MTHFD1L: variants seen among roughly 807,000 people sequenced by gnomAD.
MTHFD1L encodes monofunctional C1-tetrahydrofolate synthase, mitochondrial.
A neutral mutation model predicts 119.5 loss-of-function variants in MTHFD1L; 81 were observed. The observed-to-expected ratio is 0.68, with a 90% confidence interval of 0.57 to 0.82. The LOEUF (loss-of-function observed/expected upper bound fraction) is 0.82, where lower values mean the gene tolerates loss of function less well. Ranked by LOEUF, MTHFD1L falls within the 40% of genes least tolerant of loss-of-function variation. The pLI is 0.00. For missense variants in MTHFD1L, 1,125 were observed against 1,253.4 expected (o/e 0.90, Z 1.55); for synonymous variants, 430 against 475.2 (o/e 0.90, Z 1.24).
chr6:150,937,406 C>T (rs914677258), intron 12 of MTHFD1L, among the ~76,000 whole-genome samples: 3 of 152,158 alleles, frequency 2.0e-5, no homozygotes, highest in African/African-American at 7.2e-5. Context: ...CCTCCTTGGC[C>T]GTGGTCGGGC....
chr6:150,993,558 T>A (rs1267003707), intron 20 of MTHFD1L, among the ~76,000 whole-genome samples: 1 of 152,182 alleles, frequency 6.6e-6, no homozygotes, highest in Non-Finnish European at 1.5e-5. Flanking sequence ...GTGATCCTCC[T>A]GCCTCGGCCT....
Position 151,021,286 on chromosome 6 carries a change from G to A in MTHFD1L, c.2586+5593G>A, listed in dbSNP as rs906838746. On this transcript the variant is annotated intron_variant, in intron 24 of 27. Coordinates refer to ENST00000367321, the MANE Select transcript of MTHFD1L (RefSeq NM_015440.5). ...ATGAAGGCCAGGAGTGGTGGCTCTC[G>A]CCTGTAATCCCAGCACCTTGGGAGG... Among the ~76,000 whole-genome samples, 8 of 152,222 alleles carry A rather than the reference G, an allele frequency of 5.3e-5. No individual in the cohort carries two copies. In the South Asian group the frequency reaches 8.3e-4, roughly 16 times the overall value.
chr6:150,874,756 G>A lies in MTHFD1L; in HGVS notation c.228-1334G>A, dbSNP rs907316987. Reference sequence around the variant, plus strand: ...CCCAGAAGGTTCCATAAAGAGCTGAGCTCCTAACACTTTTTTTTTTTTTTG... The same window carrying A: ...CCCAGAAGGTTCCATAAAGAGCTGAACTCCTAACACTTTTTTTTTTTTTTG... On this transcript the variant is annotated intron_variant, in intron 1 of 27. Transcript: ENST00000367321. 1.1e-4 allele frequency among the ~76,000 whole-genome samples: 16 copies of A among 151,872 alleles called. No homozygotes were observed. The South Asian group carries it at 3.1e-3, about 30-fold the overall frequency.
chr6:150,959,466 T>C (rs149341523), intron 17 of MTHFD1L, among the ~76,000 whole-genome samples: 117 of 152,360 alleles, frequency 7.7e-4, no homozygotes, highest in Admixed American at 2.0e-3. Flanking sequence ...TTATTCCATG[T>C]TGGACTTCGT....
At chr6:150,919,974 G>A (rs988040488) in intron 9 of MTHFD1L, among the ~76,000 whole-genome samples, 5 of 152,112 alleles carry the variant, frequency 3.3e-5, no homozygotes, top group Admixed American at 2.6e-4. Flanking sequence ...TTCCAAGATG[G>A]CATACTCACA....
chr6:150,948,997 C>G (rs1451451708), intron 15 of MTHFD1L, 34 bp from the exon 16 acceptor site: 2 of 1,560,878 alleles, frequency 1.3e-6, no homozygotes, highest in Admixed American at 3.4e-5. Context: ...TGTTTCTTCT[C>G]AAACTTCTCA....
chr6:150,953,592 T>A (rs1241190965), intron 16 of MTHFD1L, among the ~76,000 whole-genome samples: 2 of 152,194 alleles, frequency 1.3e-5, no homozygotes, highest in Non-Finnish European at 2.9e-5. Context: ...TACTTTCTAG[T>A]ATCTTTCTTG....
chr6:150,922,420 C>G (rs772224885), intron 10 of MTHFD1L, 118 bp downstream of exon 10: 189 of 643,812 alleles, frequency 2.9e-4, no homozygotes, highest in Non-Finnish European at 4.0e-4. Context: ...ATAAGTTTCT[C>G]TATTCATTAA....
intron 8 of MTHFD1L, among the ~76,000 whole-genome samples, chr6:150,914,007 G>A (rs958517235): frequency 1.3e-5 from 2 of 152,248 alleles, no homozygotes; most frequent in African/African-American, 4.8e-5. Context: ...GCACATGCCT[G>A]TAGTCCCAGC....
chr6:150,904,807 T>G (rs770649821), intron 7 of MTHFD1L, among the ~76,000 whole-genome samples: 13 of 152,158 alleles, frequency 8.5e-5, no homozygotes, highest in Admixed American at 2.0e-4. Flanking sequence ...ATCAATGCAT[T>G]TTGTTGGAGT....
At chr6:150,964,482 G>A (rs986462442) in intron 18 of MTHFD1L, among the ~76,000 whole-genome samples, 1 of 152,186 alleles carries the variant, frequency 6.6e-6, no homozygotes, top group African/African-American at 2.4e-5. Flanking sequence ...TTCTCTCTCT[G>A]TGGAATGAAT....
At chr6:151,003,480 C>T (rs536993835) in intron 20 of MTHFD1L, among the ~76,000 whole-genome samples, 17 of 152,114 alleles carry the variant, frequency 1.1e-4, no homozygotes, top group East Asian at 3.9e-4. Context: ...TGCAGTAAGC[C>T]GAGATCGCAC....
chr6:150,971,845 G>A, intron 19 of MTHFD1L, 102 bp from the exon 20 acceptor site: 2 of 886,678 alleles, frequency 2.3e-6, no homozygotes, highest in African/African-American at 1.7e-5. Flanking sequence ...TAAATATGCA[G>A]TATTCATAAA....
At chr6:150,998,274 C>T (rs986645173) in intron 20 of MTHFD1L, among the ~76,000 whole-genome samples, 1 of 152,046 alleles carries the variant, frequency 6.6e-6, no homozygotes, top group South Asian at 2.1e-4. Context: ...CTACATTGTA[C>T]GATCTTATAA....
intron 16 of MTHFD1L, among the ~76,000 whole-genome samples, chr6:150,950,800 G>A (rs1445546073): frequency 6.6e-6 from 1 of 152,108 alleles, no homozygotes; most frequent in Admixed American, 6.6e-5. Context: ...CTTACGAGTA[G>A]CTGGGATTAC....
chr6:150,897,367 A>G (rs753926575), intron 7 of MTHFD1L, among the ~76,000 whole-genome samples: 2 of 152,160 alleles, frequency 1.3e-5, no homozygotes, highest in Non-Finnish European at 2.9e-5. Context: ...TATGTTCTAA[A>G]TGTTTGAAGG....
intron 7 of MTHFD1L, among the ~76,000 whole-genome samples, chr6:150,895,157 G>A (rs1388731063): frequency 6.6e-6 from 1 of 152,202 alleles, no homozygotes; most frequent in Non-Finnish European, 1.5e-5. Context: ...GGGCCCTGCA[G>A]GGGAATGACA....
chr6:150,926,184 G>GATT lies in MTHFD1L; in HGVS notation c.1146_1148dup (p.Leu384dup). ...GTGGATGTCCTTGCCAAGGAGATTGGATTGCTTGCAGATGAAATTGAAATC... is the reference window on the plus strand; with the variant it reads ...GTGGATGTCCTTGCCAAGGAGATTGGATTATTGCTTGCAGATGAAATTGAAATC... On this transcript the variant is annotated inframe_insertion, in exon 11 of 28. Coordinates refer to ENST00000367321, the MANE Select transcript of MTHFD1L (RefSeq NM_015440.5). This position sits in a 1 kb window ranked among gnomAD's most constrained non-coding sequence, Gnocchi z 4.3. The GATT allele has an allele frequency of 1.2e-6, 2 of 1,614,092 alleles. No individual in the cohort carries two copies. The highest frequency in any genetic ancestry group is 2.2e-5 in the South Asian group (2 of 91,064).
intron 24 of MTHFD1L, among the ~76,000 whole-genome samples, chr6:151,029,145 A>G (rs2128519790): frequency 6.6e-6 from 1 of 151,344 alleles, no homozygotes; most frequent in East Asian, 2.0e-4. Flanking sequence ...TTTAGGCCAG[A>G]CACAGTGGCT....
Sources: gnomAD v4.1 joint callset for allele counts (sites outside exome capture counted in the v4.1 genomes callset) on GRCh38, gnomAD v4.1.1 for gene constraint, Gnocchi (gnomAD v3.1) non-coding constraint, MANE v1.5 for transcripts, NCBI Gene and HGNC (gene_info 2026-07-23, HGNC 2026-07-21) for gene names.